Variants in ZSCAN31 observed in about 807,000 individuals in gnomAD.
ZSCAN31 encodes zinc finger and SCAN domain-containing protein 31.
A neutral mutation model predicts 22.5 loss-of-function variants in ZSCAN31; 14 were observed. The ratio of observed to expected loss-of-function variants is 0.62; its 90% CI spans 0.41 to 0.97. The LOEUF is 0.97. ZSCAN31 is among the 50% of genes least tolerant of loss of function. The pLI is 0.00. For missense variants in ZSCAN31, 424 were observed against 483.4 expected (o/e 0.88, Z 1.15); for synonymous variants, 168 against 169.8 (o/e 0.99, Z 0.08).
At chr6:28,344,463 T>C (rs903951028) in intron 2 of ZSCAN31, among the ~76,000 whole-genome samples, 1 of 152,200 alleles carries the variant, frequency 6.6e-6, no homozygotes. Flanking sequence ...GGCCCACATG[T>C]TCCTGTCATC....
At chr6:28,356,221 C>T (rs1445458923), upstream of ZSCAN31, 1 of 152,282 alleles carries the variant, frequency 6.6e-6, no homozygotes, top group African/African-American at 2.4e-5. Context: ...CTGACTGCAG[C>T]AGGTAATCTT....
chr6:28,349,973 G>A lies in ZSCAN31; in HGVS notation c.-371+3889C>T, dbSNP rs1225612696. ...CTAGTTTCAAGCACTTTGTGAGTATGGGGTGAATCGGCGTCGGCCTTCCAC... is the reference window on the plus strand; with the variant it reads ...CTAGTTTCAAGCACTTTGTGAGTATAGGGTGAATCGGCGTCGGCCTTCCAC... On this transcript the variant is annotated intron_variant, in intron 2 of 7. Coordinates refer to the ZSCAN31 transcript ENST00000396838. The surrounding 1 kb of genome is among the most constrained non-coding windows in gnomAD (Gnocchi z 4.1). 1 of 152,262 alleles carries A rather than the reference G, an allele frequency of 6.6e-6. No homozygotes were observed. The highest frequency in any genetic ancestry group is 1.5e-5 in the Non-Finnish European group (1 of 68,072). The allele number at this position is 152,262 out of a possible 1,614,324, so 9.4% of individuals were successfully genotyped here. A position where few individuals can be genotyped will look rare whatever the true frequency, so the allele number is the denominator to read the frequency against.
chr6:28,326,515 C>T lies in ZSCAN31; in HGVS notation c.872G>A (p.Gly291Glu). 1 of 1,614,232 alleles carries T rather than the reference C, an allele frequency of 6.2e-7. No individual in the cohort carries two copies. Among genetic ancestry groups the T allele is most frequent in the Non-Finnish European group, 8.5e-7 (1 of 1,180,040 alleles). Residue 291 changes from glycine (G) to glutamate (E), a missense_variant, in exon 4 of 4, where the codon GGA becomes GAA. Transcript: ENST00000344279. The stretch of plus-strand genomic sequence containing the variant: ...CTCCTTACATTGATAGGGTTTCTCT[C>T]CAGTGTGGCTCCGCCGATGTTCATT... Reference protein sequence around the residue: ...SLNEHRRSHTGEKPYQCKECG... With the variant: ...SLNEHRRSHTEEKPYQCKECG...
In ZSCAN31 at chr6:28,346,821, C is replaced by T. The variant is rs550433532; in HGVS notation, c.-370-5029G>A. Reference sequence around the variant, plus strand: ...TAGAATGGATAGTAGAGGAGAGAGACAGTAAATATCCTTTATGACTTTAAG... The same window carrying T: ...TAGAATGGATAGTAGAGGAGAGAGATAGTAAATATCCTTTATGACTTTAAG... On this transcript the variant is annotated intron_variant, in intron 2 of 7. Transcript: ENST00000396838. 4.6e-5 allele frequency among the ~76,000 whole-genome samples: 7 copies of T among 152,226 alleles called. No individual in the cohort carries two copies. The East Asian group carries it at 1.2e-3, about 25-fold the overall frequency.
At position 28,351,875 on chromosome 6, in the gene ZSCAN31, TTTATC is replaced by T. The variant is rs199716888; in HGVS notation, c.-371+1982_-371+1986del. On this transcript the variant is annotated intron_variant, in intron 2 of 7. Transcript: ENST00000396838. This position sits in a 1 kb window ranked among gnomAD's most constrained non-coding sequence, Gnocchi z 4.6. The stretch of plus-strand genomic sequence containing the variant: ...TGTCAATTTCTTATATACAGGGACT[TTTATC>T]TTAATATAATCATAGTATCATGATC... 3.3e-5 allele frequency among the ~76,000 whole-genome samples: 5 copies of T among 152,176 alleles called. No homozygotes were observed. Among genetic ancestry groups the T allele is most frequent in the East Asian group, 3.8e-4 (2 of 5,198 alleles).
chr6:28,348,542 C>T (rs955632936), intron 2 of ZSCAN31, among the ~76,000 whole-genome samples: 1 of 152,124 alleles, frequency 6.6e-6, no homozygotes, highest in African/African-American at 2.4e-5. Context: ...ATATATCAAG[C>T]ATCCACACAT....
At chr6:28,335,980 G>C (rs929582576) in intron 1 of ZSCAN31, 102 bp downstream of exon 1, 20 of 148,488 alleles carry the variant, frequency 1.3e-4, no homozygotes, top group African/African-American at 4.7e-4. Flanking sequence ...GTGTAGGGGC[G>C]GGGGTCACGC....
intron 2 of ZSCAN31, among the ~76,000 whole-genome samples, chr6:28,344,465 C>T (rs1387018569): frequency 6.6e-6 from 1 of 152,176 alleles, no homozygotes; most frequent in Non-Finnish European, 1.5e-5. Context: ...CCCACATGTT[C>T]CTGTCATCCA....
intron 1 of ZSCAN31, among the ~76,000 whole-genome samples, chr6:28,334,898 G>C (rs1764022571): frequency 6.6e-6 from 1 of 152,188 alleles, no homozygotes; most frequent in Non-Finnish European, 1.5e-5. Context: ...CCAATTTTTA[G>C]AGATGCATTA....
intron 3 of ZSCAN31, 38 bp downstream of exon 3, chr6:28,327,345 A>G (rs1763369519): frequency 6.2e-7 from 1 of 1,612,368 alleles, no homozygotes; most frequent in Non-Finnish European, 8.5e-7. Flanking sequence ...ATATAGACCC[A>G]CCAGAGATCT....
upstream of ZSCAN31, among the ~76,000 whole-genome samples, chr6:28,337,378 T>C (rs1764228489): frequency 6.6e-6 from 1 of 152,198 alleles, no homozygotes. Context: ...AGAAATGTTA[T>C]CTTGGCAGCC....
intron 1 of ZSCAN31, among the ~76,000 whole-genome samples, chr6:28,330,325 G>A (rs1389554420): frequency 6.6e-6 from 1 of 152,122 alleles, no homozygotes; most frequent in African/African-American, 2.4e-5. Flanking sequence ...CAAGTAAGCT[G>A]TGCCCCATAT....
At chr6:28,355,229 T>G (rs1017656422), upstream of ZSCAN31, 2 of 152,202 alleles carry the variant, frequency 1.3e-5, no homozygotes, top group Non-Finnish European at 2.9e-5. Context: ...GTTAGCATAC[T>G]TTGCTGTTCC....
chr6:28,350,635 A>G (rs1764937223), intron 2 of ZSCAN31, among the ~76,000 whole-genome samples: 1 of 152,214 alleles, frequency 6.6e-6, no homozygotes, highest in South Asian at 2.1e-4. Flanking sequence ...CATGATTTAA[A>G]GATTTGCTTT....
chr6:28,342,504 C>A (rs889578240), intron 2 of ZSCAN31, among the ~76,000 whole-genome samples: 5 of 152,188 alleles, frequency 3.3e-5, no homozygotes, highest in African/African-American at 1.2e-4. Flanking sequence ...AAAACACTAT[C>A]TACCAAAGTT....
At chr6:28,329,805 G>A in intron 1 of ZSCAN31, 27 bp from the exon 2 acceptor site, 3 of 1,249,754 alleles carry the variant, frequency 2.4e-6, no homozygotes, top group Admixed American at 2.5e-5. Flanking sequence ...ATATATTAAT[G>A]GAAATAAATC....
chr6:28,326,544 G>T lies in ZSCAN31; in HGVS notation c.843C>A (p.Ser281Arg), dbSNP rs139149118. 2 of 1,614,122 alleles carry T rather than the reference G, an allele frequency of 1.2e-6. No homozygotes were observed. Among genetic ancestry groups the T allele is most frequent in the African/African-American group, 1.3e-5 (1 of 75,024 alleles). The change falls in exon 4 of 4, where the codon AGC becomes AGA. Residue 281 changes from serine to arginine, a missense_variant. Transcript: ENST00000344279. ...TGTGGCTCCGCCGATGTTCATTCAG[G>T]CTTGACCTCCGGCTGAAGGCCTTCC... ...ECGKAFSRRS[S>R]LNEHRRSHTG...
At chr6:28,332,116 A>G (rs957263826) in intron 1 of ZSCAN31, among the ~76,000 whole-genome samples, 9 of 152,062 alleles carry the variant, frequency 5.9e-5, no homozygotes, top group South Asian at 2.1e-4. Flanking sequence ...GGGAAAATAC[A>G]CTCTTTCTTC....
chr6:28,328,252 C>T (rs1236624777), intron 2 of ZSCAN31, among the ~76,000 whole-genome samples: 4 of 152,254 alleles, frequency 2.6e-5, no homozygotes, highest in East Asian at 1.9e-4. Flanking sequence ...TGAGATCAAC[C>T]GGTCTGACCA....
Sources: gnomAD v4.1 joint callset for allele counts (sites outside exome capture counted in the v4.1 genomes callset) on GRCh38, gnomAD v4.1.1 for gene constraint, Gnocchi (gnomAD v3.1) non-coding constraint, MANE v1.5 for transcripts, NCBI Gene and HGNC (gene_info 2026-07-23, HGNC 2026-07-21) for gene names.